MKLN1: variants seen among roughly 807,000 people sequenced by gnomAD.
MKLN1 encodes muskelin.
Under a neutral mutation model 99.0 loss-of-function variants are expected in MKLN1, and 18 were observed. That is an observed-to-expected ratio of 0.18 (90% CI 0.13 to 0.27). The LOEUF (loss-of-function observed/expected upper bound fraction) is 0.27. Ranked by LOEUF, MKLN1 falls within the 10% of genes least tolerant of loss-of-function variation. The pLI is 1.00. For synonymous variants in MKLN1, 288 were observed against 293.2 expected (o/e 0.98, Z 0.18); for missense variants, 621 against 875.9 (o/e 0.71, Z 3.67).
At chr7:131,456,002 C>T (rs1182563260) in intron 12 of MKLN1, among the ~76,000 whole-genome samples, 2 of 151,430 alleles carry the variant, frequency 1.3e-5, no homozygotes, top group African/African-American at 2.4e-5. Context: ...ACTGAATTCA[C>T]ATTATTGCAT....
chr7:131,204,570 G>A (rs368438206), intron 3 of MKLN1, among the ~76,000 whole-genome samples: 1 of 152,164 alleles, frequency 6.6e-6, no homozygotes, highest in Non-Finnish European at 1.5e-5. Context: ...GGTGGCTCAC[G>A]CCTGTAATCC....
intron 1 of MKLN1, among the ~76,000 whole-genome samples, chr7:131,136,362 A>T (rs766445940): frequency 2.8e-4 from 43 of 152,206 alleles, no homozygotes; most frequent in Non-Finnish European, 5.6e-4. Context: ...CTCTATAAAA[A>T]TGTTATATTG....
intron 4 of MKLN1, among the ~76,000 whole-genome samples, chr7:131,393,499 C>T (rs931680976): frequency 1.3e-5 from 2 of 152,192 alleles, no homozygotes; most frequent in African/African-American, 4.8e-5. Context: ...TACCTCCTTC[C>T]TCTAAAGGTA....
chr7:131,197,993 C>T (rs1288554509), intron 2 of MKLN1, among the ~76,000 whole-genome samples: 1 of 152,114 alleles, frequency 6.6e-6, no homozygotes, highest in Admixed American at 6.6e-5. Flanking sequence ...CACCACCATA[C>T]TGGACTAATT....
In MKLN1 at chr7:131,414,696, T is replaced by C. The variant is rs772939268; in HGVS notation, c.833T>C (p.Ile278Thr). The C allele has an allele frequency of 6.2e-7, 1 of 1,604,612 alleles. No individual in the cohort carries two copies. The highest frequency in any genetic ancestry group is 8.5e-7 in the Non-Finnish European group (1 of 1,175,670). ...ATGAGAGGAGGCCATCAGATGGTTA[T>C]TGATGTTCAAACAGGTGAGTAGCAG... is the stretch of plus-strand genomic sequence containing the variant. Reference protein sequence around the residue: ...PGMRGGHQMVIDVQTETVYLF... With the variant: ...PGMRGGHQMVTDVQTETVYLF... Residue 278 changes from isoleucine to threonine, a missense_variant, in exon 8 of 18, where the codon ATT becomes ACT. By Grantham distance (89) the Ile-to-Thr change is moderately conservative. Coordinates refer to ENST00000352689, the MANE Select transcript of MKLN1 (RefSeq NM_013255.5).
intron 2 of MKLN1, among the ~76,000 whole-genome samples, chr7:131,171,792 A>G (rs868289109): frequency 2.6e-5 from 4 of 152,238 alleles, no homozygotes; most frequent in Non-Finnish European, 5.9e-5. Context: ...ATATACTCAT[A>G]CATTGTTTGG....
chr7:131,330,356 G>T (rs187737759), intron 1 of MKLN1, among the ~76,000 whole-genome samples: 1 of 152,192 alleles, frequency 6.6e-6, no homozygotes, highest in African/African-American at 2.4e-5. Flanking sequence ...TTTCGAGGTG[G>T]CAGTAATAAA....
chr7:131,273,424 T>C (rs1797916728), intron 3 of MKLN1, among the ~76,000 whole-genome samples: 1 of 152,164 alleles, frequency 6.6e-6, no homozygotes, highest in African/African-American at 2.4e-5. Flanking sequence ...CCCCTGCACT[T>C]TCTGAGTTTT....
At chr7:131,320,439 T>C (rs1798753839) in intron 3 of MKLN1, among the ~76,000 whole-genome samples, 2 of 152,018 alleles carry the variant, frequency 1.3e-5, no homozygotes, top group African/African-American at 4.8e-5. Context: ...CAAGATAGAT[T>C]AAAGACTTAA....
chr7:131,159,538 G>C (rs999574537), intron 2 of MKLN1, among the ~76,000 whole-genome samples: 1 of 152,120 alleles, frequency 6.6e-6, no homozygotes, highest in Non-Finnish European at 1.5e-5. Context: ...GAGGTGGAGA[G>C]TAGGATGGTG....
rs193159591 is a variant in MKLN1, at chr7:131,175,960, C to T, written c.-296-26897C>T. ...GCTATTACATATCTCCAAAAGCAAA[C>T]GAACAAATACCCCATTTACTCCCAG... On this transcript the variant is annotated intron_variant, in intron 2 of 7. Coordinates refer to the MKLN1 transcript ENST00000416992. 7.2e-3 allele frequency among the ~76,000 whole-genome samples: 1,087 copies of T among 152,024 alleles called. 14 individuals carry two copies. The highest frequency in any genetic ancestry group is 0.014 in the African/African-American group (561 of 41,496).
chr7:131,468,419 T>G (rs1004425354), intron 15 of MKLN1, among the ~76,000 whole-genome samples: 2 of 152,212 alleles, frequency 1.3e-5, no homozygotes, highest in Admixed American at 6.5e-5. Context: ...TTTATTTTTT[T>G]ATAATACGGG....
chr7:131,476,154 A>C (rs1223433974), intron 16 of MKLN1, among the ~76,000 whole-genome samples: 2 of 152,196 alleles, frequency 1.3e-5, no homozygotes. Flanking sequence ...AACTTCTTGA[A>C]TCTAAATTCC....
intron 1 of MKLN1, among the ~76,000 whole-genome samples, chr7:131,356,257 T>C (rs1444996774): frequency 6.6e-6 from 1 of 151,970 alleles, no homozygotes; most frequent in Non-Finnish European, 1.5e-5. Context: ...GCTGATGAGT[T>C]TCAGGTGTTT....
chr7:131,463,945 G>T (rs940471672), intron 13 of MKLN1, among the ~76,000 whole-genome samples: 1 of 152,182 alleles, frequency 6.6e-6, no homozygotes, highest in Non-Finnish European at 1.5e-5. Flanking sequence ...TTCTAAATAG[G>T]ACATTTATTT....
intron 3 of MKLN1, among the ~76,000 whole-genome samples, chr7:131,313,651 A>G (rs1798610770): frequency 6.6e-6 from 1 of 152,234 alleles, no homozygotes; most frequent in Non-Finnish European, 1.5e-5. Flanking sequence ...GTTGGAAGAA[A>G]ATTAAAAATG....
Position 131,493,848 on chromosome 7 carries a change from A to G in MKLN1, c.*6120A>G, listed in dbSNP as rs1397932396. On this transcript the variant is annotated 3_prime_UTR_variant, in exon 18 of 18. Coordinates refer to ENST00000352689, the MANE Select transcript of MKLN1 (RefSeq NM_013255.5). Reference sequence around the variant, plus strand: ...CTGCCACACAAAGCCTGAGGAGATCATCATTCTTCAGTTTCATTCATTACT... The same window carrying G: ...CTGCCACACAAAGCCTGAGGAGATCGTCATTCTTCAGTTTCATTCATTACT... 2.0e-5 allele frequency: 3 copies of G among 152,246 alleles called. No homozygotes were observed. The highest frequency in any genetic ancestry group is 4.4e-5 in the Non-Finnish European group (3 of 68,040). 9.4% of individuals were successfully genotyped at this position (152,246 alleles called of 1,614,324 possible).
rs1254085462 is a variant in MKLN1, at chr7:131,466,923, A to ACACG, written c.1928+509_1928+510insACGC. On this transcript the variant is annotated intron_variant, in intron 15 of 17. Coordinates refer to ENST00000352689, the MANE Select transcript of MKLN1 (RefSeq NM_013255.5). ...TACATATACACACACACACACACAC[A>ACACG]CGCGCGCGCGCGCACACACGCACGC... Among the ~76,000 whole-genome samples, 363 of 150,656 alleles carry ACACG rather than the reference A, an allele frequency of 2.4e-3. 1 individual carries two copies. Among genetic ancestry groups the ACACG allele is most frequent in the African/African-American group, 7.3e-3 (296 of 40,652 alleles).
At chr7:131,414,576 T>C (rs1462394242) in intron 7 of MKLN1, 69 bp from the exon 8 acceptor site, 8 of 1,080,258 alleles carry the variant, frequency 7.4e-6, no homozygotes, top group Admixed American at 2.2e-5. Flanking sequence ...TACAGACTTA[T>C]GAATAAATTT....
Sources: gnomAD v4.1 joint callset for allele counts (sites outside exome capture counted in the v4.1 genomes callset) on GRCh38, gnomAD v4.1.1 for gene constraint, MANE v1.5 for transcripts, NCBI Gene and HGNC (gene_info 2026-07-23, HGNC 2026-07-21) for gene names.